The following PCDHGA10 variants were observed in gnomAD, a reference collection of about 807,000 sequenced individuals.
PCDHGA10 encodes protocadherin gamma-A10.
A neutral mutation model predicts 59.5 loss-of-function variants in PCDHGA10; 42 were observed. That is an observed-to-expected ratio of 0.71 (90% CI 0.55 to 0.91). The LOEUF (loss-of-function observed/expected upper bound fraction) is 0.91, where lower values mean the gene tolerates loss of function less well. Ranked by LOEUF, PCDHGA10 falls within the 40% of genes least tolerant of loss-of-function variation. The pLI, the probability that PCDHGA10 is intolerant of heterozygous loss-of-function variation, is 0.00. For synonymous variants in PCDHGA10, 511 were observed against 517.2 expected, an observed-to-expected ratio of 0.99 and a Z score of 0.16; for missense variants, 1,111 against 1,198.2, an observed-to-expected ratio of 0.93 and a Z score of 1.07.
rs549047197 is a variant in PCDHGA10, at chr5:141,502,866, C to CTTTTTTTTTTTTTTT, written c.2496-2513_2496-2512insTTTTTTTTTTTTTTT. Reference sequence around the variant, plus strand: ...GAGCTGCCTAACCCTGACTCTCTGTCTTTTTTTTTTTTTTGACAGGGAGTC... The same window carrying CTTTTTTTTTTTTTTT: ...GAGCTGCCTAACCCTGACTCTCTGTCTTTTTTTTTTTTTTTTTTTTTTTTTTTTTGACAGGGAGTC... On this transcript the variant is annotated intron_variant, in intron 2 of 3. Coordinates refer to ENST00000398610, the MANE Select transcript of PCDHGA10 (RefSeq NM_018913.3). 1.1e-4 allele frequency among the ~76,000 whole-genome samples: 14 copies of CTTTTTTTTTTTTTTT among 128,026 alleles called. 3 individuals are homozygous for CTTTTTTTTTTTTTTT. Among genetic ancestry groups the CTTTTTTTTTTTTTTT allele is most frequent in the Admixed American group, 1.7e-4 (2 of 11,664 alleles). The allele number at this position is 128,026 out of a possible 152,430, so 84.0% of individuals were successfully genotyped here.
intron 2 of PCDHGA10, among the ~76,000 whole-genome samples, chr5:141,499,016 GGAAGGAA>G (rs2099788564): frequency 7.0e-6 from 1 of 143,496 alleles, no homozygotes; most frequent in Non-Finnish European, 1.5e-5. Flanking sequence ...AAGGAAGGAA[GGAAGGAA>G]GGAAGAAAAG....
At chr5:141,417,706 A>T in intron 1 of PCDHGA10, 1 of 1,214,910 alleles carries the variant, frequency 8.2e-7, no homozygotes, top group Non-Finnish European at 1.1e-6. Flanking sequence ...TCCCACACAG[A>T]GGCTCCCGGC....
At chr5:141,478,127 C>A (rs1323163663) in intron 1 of PCDHGA10, 1 of 1,614,106 alleles carries the variant, frequency 6.2e-7, no homozygotes, top group South Asian at 1.1e-5. Flanking sequence ...CGAGGACTCT[C>A]CTGAAGCCCG....
At chr5:141,418,823 A>G (rs985060966) in intron 1 of PCDHGA10, 7 of 1,613,868 alleles carry the variant, frequency 4.3e-6, no homozygotes, top group Admixed American at 3.3e-5. Context: ...CATAGAAGCA[A>G]AAGACCGAGG....
At chr5:141,433,401 A>ATCTATCTATCTC (rs1444244130) in intron 1 of PCDHGA10, among the ~76,000 whole-genome samples, 15 of 150,598 alleles carry the variant, frequency 1.0e-4, no homozygotes, top group African/African-American at 3.4e-4. Flanking sequence ...CTATCTATCT[A>ATCTATCTATCTC]TCTATTACTT....
chr5:141,478,607 A>T (rs892000536), intron 1 of PCDHGA10: 1 of 1,560,800 alleles, frequency 6.4e-7, no homozygotes, highest in Non-Finnish European at 8.7e-7. Context: ...CATCATATTG[A>T]GGAAGGAATG....
intron 2 of PCDHGA10, among the ~76,000 whole-genome samples, chr5:141,500,815 A>G (rs2099802742): frequency 6.6e-6 from 1 of 152,196 alleles, no homozygotes; most frequent in African/African-American, 2.4e-5. Context: ...ATGAATATAC[A>G]TATTATTTTT....
At chr5:141,498,830 G>T (rs2099786149) in intron 2 of PCDHGA10, among the ~76,000 whole-genome samples, 1 of 152,080 alleles carries the variant, frequency 6.6e-6, no homozygotes, top group Non-Finnish European at 1.5e-5. Context: ...CTACTCAGGA[G>T]GCTGAGGCAG....
chr5:141,415,745 T>C, intron 1 of PCDHGA10, 134 bp downstream of exon 1: 1 of 517,922 alleles, frequency 1.9e-6, no homozygotes, highest in Non-Finnish European at 2.4e-6. Context: ...TTAAGGTTTT[T>C]TTTTTTTTTT....
rs61612330 is a variant in PCDHGA10 at position 141,454,796 on chromosome 5, ATTTTTTTT to A, written c.2436+39207_2436+39214del. Reference sequence around the variant, plus strand: ...AAGGAAATAATCCTCCATGGTTCTAATTTTTTTTTTTTTTTTTTTTTTTTTTTTTGAGA... The same window carrying A: ...AAGGAAATAATCCTCCATGGTTCTAATTTTTTTTTTTTTTTTTTTTTGAGA... On this transcript the variant is annotated intron_variant, in intron 1 of 3. Transcript: ENST00000398610. Among the ~76,000 whole-genome samples, 398 of 77,454 alleles carry A rather than the reference ATTTTTTTT, an allele frequency of 5.1e-3. 2 individuals are homozygous for A. The highest frequency in any genetic ancestry group is 0.021 in the African/African-American group (363 of 16,886). 50.8% of individuals were successfully genotyped at this position (77,454 alleles called of 152,430 possible).
At chr5:141,454,000 T>C (rs1048921374) in intron 1 of PCDHGA10, among the ~76,000 whole-genome samples, 2 of 152,214 alleles carry the variant, frequency 1.3e-5, no homozygotes, top group African/African-American at 4.8e-5. Flanking sequence ...TAAACCCACA[T>C]AACATTTTAG....
At position 141,491,605 on chromosome 5, in the gene PCDHGA10, T is replaced by C; in HGVS notation, c.2437-3202T>C. On this transcript the variant is annotated intron_variant, in intron 1 of 3. Coordinates refer to ENST00000398610, the MANE Select transcript of PCDHGA10 (RefSeq NM_018913.3). This position sits in a 1 kb window ranked among gnomAD's most constrained non-coding sequence, Gnocchi z 6.9. Reference sequence around the variant, plus strand: ...GGCCTCGGACGGCAGTGACTTCACTTTTCTAAGACCCCTCAGCGTTCAGCA... The same window carrying C: ...GGCCTCGGACGGCAGTGACTTCACTCTTCTAAGACCCCTCAGCGTTCAGCA... 6.2e-7 allele frequency: 1 copy of C among 1,613,868 alleles called. No individual in the cohort carries two copies. Among genetic ancestry groups the C allele is most frequent in the East Asian group, 2.2e-5 (1 of 44,858 alleles).
chr5:141,423,132 C>T (rs375287728), intron 1 of PCDHGA10: 41 of 1,613,540 alleles, frequency 2.5e-5, no homozygotes, highest in Non-Finnish European at 3.3e-5. Flanking sequence ...CACTGCTGGA[C>T]AGAGACGCGC....
intron 3 of PCDHGA10, among the ~76,000 whole-genome samples, chr5:141,509,022 C>G (rs2099873807): frequency 6.6e-6 from 1 of 152,206 alleles, no homozygotes; most frequent in East Asian, 1.9e-4. Context: ...CAGCTGCTCC[C>G]TCCCACTCAA....
Position 141,414,255 on chromosome 5 carries a change from G to A in PCDHGA10, c.1080G>A (p.Val360=), listed in dbSNP as rs776584940. Residue 360 remains valine, a synonymous_variant, in exon 1 of 4, where the codon GTG becomes GTA. Coordinates refer to ENST00000398610, the MANE Select transcript of PCDHGA10 (RefSeq NM_018913.3). ...CCATCACGTCTCTATTTAGTCCAGT[G>A]ACTGAAGATTCACCTCTGGGAACAG... The part of the protein sequence containing the change: ...ELTITSLFSP[V]TEDSPLGTVV... The A allele has an allele frequency of 7.4e-6, 12 of 1,613,350 alleles. No individual in the cohort carries two copies. The highest frequency in any genetic ancestry group is 1.0e-5 in the Non-Finnish European group (12 of 1,179,764).
chr5:141,456,087 C>T (rs1218579202), intron 1 of PCDHGA10, among the ~76,000 whole-genome samples: 1 of 151,886 alleles, frequency 6.6e-6, no homozygotes, highest in Non-Finnish European at 1.5e-5. Context: ...TCAGTAGAGA[C>T]GGGATTTCAC....
chr5:141,421,680 G>A (rs2096591907), intron 1 of PCDHGA10: 5 of 1,613,758 alleles, frequency 3.1e-6, no homozygotes, highest in Non-Finnish European at 4.2e-6. Context: ...TTCCTGGGGC[G>A]CGATTTGCTC....
intron 1 of PCDHGA10, chr5:141,422,094 T>C: frequency 1.2e-6 from 2 of 1,610,648 alleles, no homozygotes; most frequent in Non-Finnish European, 1.7e-6. Flanking sequence ...AAAGCAAGGC[T>C]TCTGAAATAT....
intron 1 of PCDHGA10, among the ~76,000 whole-genome samples, chr5:141,451,073 C>A (rs1346074089): frequency 6.6e-6 from 1 of 151,958 alleles, no homozygotes; most frequent in Non-Finnish European, 1.5e-5. Flanking sequence ...TGTGATCCAC[C>A]CACCTTGACC....
Sources: gnomAD v4.1 joint callset for allele counts (sites outside exome capture counted in the v4.1 genomes callset) on GRCh38, gnomAD v4.1.1 for gene constraint, Gnocchi (gnomAD v3.1) non-coding constraint, MANE v1.5 for transcripts, NCBI Gene and HGNC (gene_info 2026-07-23, HGNC 2026-07-21) for gene names.